The following USP37 variants were observed in gnomAD, a reference collection of about 807,000 sequenced individuals.
The protein encoded by USP37 is ubiquitin carboxyl-terminal hydrolase 37.
A neutral mutation model predicts 124.0 loss-of-function variants in USP37; 27 were observed. The observed-to-expected ratio is 0.22, with a 90% CI of 0.16 to 0.30. The LOEUF is 0.30. USP37 is among the 10% of genes least tolerant of loss of function. The probability of loss-of-function intolerance (pLI) is 1.00; values close to 1 mark genes in which losing one functional copy is unlikely to be tolerated. For synonymous variants in USP37, 365 were observed against 388.0 expected (o/e 0.94, Z 0.70); for missense variants, 889 against 1,140.4 (o/e 0.78, Z 3.17).
At chr2:218,494,847 T>C (rs992265490) in intron 14 of USP37, among the ~76,000 whole-genome samples, 5 of 152,148 alleles carry the variant, frequency 3.3e-5, no homozygotes, top group African/African-American at 1.2e-4. Flanking sequence ...TTACTGTAAA[T>C]ACGGTTGAAA....
At position 218,522,387 on chromosome 2, in the gene USP37, A is replaced by AC. The variant is rs1388136133; in HGVS notation, c.863+7568dup. On this transcript the variant is annotated intron_variant, in intron 10 of 25. Transcript: ENST00000258399. ...AAACCAGCCTGGCCAACATAGAAAG[A>AC]CCCCATCTCTCTCTTTTTTTTTTTA... Among the ~76,000 whole-genome samples, 3 of 149,168 alleles carry AC rather than the reference A, an allele frequency of 2.0e-5. No homozygotes were observed. In the East Asian group the frequency reaches 5.9e-4, roughly 29 times the overall value.
chr2:218,459,242 C>T (rs1370307297), intron 23 of USP37, among the ~76,000 whole-genome samples: 1 of 152,062 alleles, frequency 6.6e-6, no homozygotes, highest in African/African-American at 2.4e-5. Flanking sequence ...GCTCTTGTTG[C>T]CCAGGCTGGA....
At chr2:218,482,612 A>T (rs976227078) in intron 16 of USP37, among the ~76,000 whole-genome samples, 1 of 152,256 alleles carries the variant, frequency 6.6e-6, no homozygotes, top group South Asian at 2.1e-4. Flanking sequence ...TACTAGTAAA[A>T]TAATGTCTAT....
At chr2:218,549,395 T>TTGGAATGATACCTAAA (rs1692538581) in intron 6 of USP37, among the ~76,000 whole-genome samples, 1 of 152,146 alleles carries the variant, frequency 6.6e-6, no homozygotes, top group Non-Finnish European at 1.5e-5. Context: ...ACTCTATGGT[T>TTGGAATGATACCTAAA]TGGAATGATA....
intron 3 of USP37, among the ~76,000 whole-genome samples, chr2:218,559,749 C>A (rs768248924): frequency 2.0e-5 from 3 of 152,106 alleles, no homozygotes; most frequent in Non-Finnish European, 4.4e-5. Flanking sequence ...TGCCTGTAAT[C>A]CCAGCACTTT....
intron 11 of USP37, among the ~76,000 whole-genome samples, chr2:218,499,382 T>C (rs1689246223): frequency 6.6e-6 from 1 of 152,228 alleles, no homozygotes. Flanking sequence ...GTTATACTTC[T>C]GTAATGTGCA....
intron 8 of USP37, among the ~76,000 whole-genome samples, chr2:218,537,989 A>G (rs1039818004): frequency 6.6e-6 from 1 of 152,226 alleles, no homozygotes; most frequent in Admixed American, 6.5e-5. Flanking sequence ...CCATGAAGTG[A>G]TAAGACCAGG....
chr2:218,528,823 A>G (rs1379017685), intron 10 of USP37: 5 of 405,998 alleles, frequency 1.2e-5, no homozygotes, highest in African/African-American at 1.1e-4. Flanking sequence ...AAAAAAAAAA[A>G]AAAAAAAAAA....
At position 218,506,481 on chromosome 2, in the gene USP37, G is replaced by T. The variant is rs574438130; in HGVS notation, c.1025+3498C>A. ...AATTTTTCTATTTTTAGTAGAGATG[G>T]GGTTTCACCATACTGGTCAGGTTGG... On this transcript the variant is annotated intron_variant, in intron 11 of 25. Coordinates refer to ENST00000258399, the MANE Select transcript of USP37 (RefSeq NM_020935.3). 1.1e-4 allele frequency among the ~76,000 whole-genome samples: 16 copies of T among 151,318 alleles called. No homozygotes were observed. In the East Asian group the frequency reaches 3.1e-3, roughly 30 times the overall value.
At chr2:218,516,590 T>C (rs1690296599) in intron 10 of USP37, among the ~76,000 whole-genome samples, 2 of 152,184 alleles carry the variant, frequency 1.3e-5, no homozygotes, top group Admixed American at 6.6e-5. Context: ...ACCTAATGCA[T>C]GCAGGGCTTA....
chr2:218,467,318 T>TCTATCTAG (rs1488993099), intron 20 of USP37, among the ~76,000 whole-genome samples: 29 of 60,632 alleles, frequency 4.8e-4, no homozygotes, highest in African/African-American at 1.2e-3. Flanking sequence ...CTAATCTATA[T>TCTATCTAG]CTATCTATCT....
Position 218,474,645 on chromosome 2 carries a change from T to C in USP37, c.2284A>G (p.Thr762Ala). 1 of 1,614,212 alleles carries C rather than the reference T, an allele frequency of 6.2e-7. No homozygotes were observed. The highest frequency in any genetic ancestry group is 1.1e-5 in the South Asian group (1 of 91,084). The change falls in exon 20 of 26, where the codon ACA becomes GCA. Residue 762 changes from threonine to alanine, a missense_variant. Thr to Ala is a moderately conservative substitution (Grantham distance 58). Transcript: ENST00000258399. ...TTAAACCTACCCAGCTCTGTGATTG[T>C]TTTGGGCTTCTCAGTTTCCATAGTG... ...PDTMETEKPKTITELDPASFT... is the reference protein window; with the variant it reads ...PDTMETEKPKAITELDPASFT...
chr2:218,498,160 G>A lies in USP37; in HGVS notation c.1026-3C>T, dbSNP rs763959577. On this transcript the variant is annotated splice_polypyrimidine_tract_variant and splice_region_variant and intron_variant, in intron 11 of 25. Transcript: ENST00000258399. ...AGGTATTTCCCAAATTGGAGAAGCTGAAAATTAAAGAAATAGTGCTTTAGA... is the reference window on the plus strand; with the variant it reads ...AGGTATTTCCCAAATTGGAGAAGCTAAAAATTAAAGAAATAGTGCTTTAGA... 4 of 1,585,678 alleles carry A rather than the reference G, an allele frequency of 2.5e-6. No individual in the cohort carries two copies. In the East Asian group the frequency reaches 9.0e-5, roughly 36 times the overall value.
chr2:218,503,001 T>C (rs1689466937), intron 11 of USP37, among the ~76,000 whole-genome samples: 2 of 152,208 alleles, frequency 1.3e-5, no homozygotes, highest in Non-Finnish European at 2.9e-5. Flanking sequence ...AAGATATCTT[T>C]AAAATACTGA....
intron 10 of USP37, among the ~76,000 whole-genome samples, chr2:218,518,193 G>GA (rs1439031494): frequency 6.6e-6 from 1 of 151,400 alleles, no homozygotes; most frequent in Non-Finnish European, 1.5e-5. Flanking sequence ...TTTTATGCTG[G>GA]AAAAAAAATC....
intron 13 of USP37, 98 bp from the exon 14 acceptor site, chr2:218,496,048 C>G: frequency 4.1e-6 from 5 of 1,219,098 alleles, no homozygotes; most frequent in Non-Finnish European, 3.4e-6. Context: ...AATTCCAGCA[C>G]TCTGGAAGGC....
At chr2:218,552,542 T>C (rs1273747934) in intron 5 of USP37, among the ~76,000 whole-genome samples, 2 of 151,710 alleles carry the variant, frequency 1.3e-5, no homozygotes, top group African/African-American at 2.4e-5. Context: ...GAGTGGAATC[T>C]TGCCACTGTA....
At chr2:218,455,534 C>G in intron 25 of USP37, 46 bp downstream of exon 25, 1 of 1,498,812 alleles carries the variant, frequency 6.7e-7, no homozygotes, top group Non-Finnish European at 8.9e-7. Context: ...AAAAAGAGTT[C>G]CGGTGATTTC....
At chr2:218,515,928 C>G (rs114225623) in intron 10 of USP37, among the ~76,000 whole-genome samples, 7,454 of 148,384 alleles carry the variant, frequency 0.05, 523 homozygotes, top group African/African-American at 0.17. Flanking sequence ...GGCTAACAAA[C>G]GTGAAAAAAA....
Sources: allele counts gnomAD v4.1 joint callset (sites outside exome capture counted in the v4.1 genomes callset), GRCh38; gene constraint gnomAD v4.1.1; transcripts MANE v1.5; gene names NCBI Gene and HGNC (gene_info 2026-07-23, HGNC 2026-07-21).